The following ROBO1 variants were observed in gnomAD, a reference collection of about 807,000 sequenced individuals.
The protein encoded by ROBO1 is roundabout homolog 1.
ROBO1 carries 149 observed loss-of-function variants against 195.9 expected under a neutral mutation model. That is an observed-to-expected ratio of 0.76 (90% CI 0.67 to 0.87). The LOEUF (loss-of-function observed/expected upper bound fraction) is 0.87. ROBO1 is among the 40% of genes least tolerant of loss of function. ROBO1 has a pLI of 0.00. For synonymous variants in ROBO1, 816 were observed against 733.2 expected, an observed-to-expected ratio of 1.11 and a Z score of -1.82; for missense variants, 1,933 against 2,068.3, an observed-to-expected ratio of 0.93 and a Z score of 1.27.
Position 78,678,677 on chromosome 3 carries a change from T to C in ROBO1, c.1342+7069A>G, listed in dbSNP as rs540512766. On this transcript the variant is annotated intron_variant, in intron 10 of 30. Coordinates refer to ENST00000464233, the MANE Select transcript of ROBO1 (RefSeq NM_002941.4). ...ATAACAGGATCTGAAATTGTGGCAATAATCAATAGCTTACCAACCAAAAAG... is the reference window on the plus strand; with the variant it reads ...ATAACAGGATCTGAAATTGTGGCAACAATCAATAGCTTACCAACCAAAAAG... Among the ~76,000 whole-genome samples the C allele has an allele frequency of 4.8e-4, 73 of 152,292 alleles. No homozygotes were observed. In the South Asian group the frequency reaches 7.1e-3, roughly 15 times the overall value.
At chr3:78,649,610 T>C (rs1468031044) in intron 19 of ROBO1, among the ~76,000 whole-genome samples, 2 of 152,220 alleles carry the variant, frequency 1.3e-5, no homozygotes, top group East Asian at 1.9e-4. Flanking sequence ...TTAAAATTAC[T>C]GGCATTGACT....
chr3:79,522,884 A>T (rs1402723859), intron 2 of ROBO1, among the ~76,000 whole-genome samples: 1 of 152,128 alleles, frequency 6.6e-6, no homozygotes, highest in Non-Finnish European at 1.5e-5. Context: ...GGGAGGTCAT[A>T]CCTATAAAAG....
chr3:79,097,112 C>T (rs929532574), intron 3 of ROBO1, among the ~76,000 whole-genome samples: 8 of 151,828 alleles, frequency 5.3e-5, no homozygotes, highest in South Asian at 2.1e-4. Flanking sequence ...ATAGACACAG[C>T]GAATACTAAA....
At chr3:78,754,165 G>A (rs1004504165) in intron 4 of ROBO1, among the ~76,000 whole-genome samples, 5 of 152,138 alleles carry the variant, frequency 3.3e-5, no homozygotes, top group Non-Finnish European at 7.3e-5. Flanking sequence ...TGTTTATACA[G>A]GACTTGCCAT....
chr3:79,466,544 CA>C (rs1208726640), intron 2 of ROBO1, among the ~76,000 whole-genome samples: 2 of 152,040 alleles, frequency 1.3e-5, no homozygotes, highest in African/African-American at 4.8e-5. Flanking sequence ...AGAGTTCTAT[CA>C]GGCAATATAT....
chr3:79,564,451 A>G lies in ROBO1; in HGVS notation c.88+25373T>C, dbSNP rs553235317. On this transcript the variant is annotated intron_variant, in intron 2 of 30. Transcript: ENST00000464233. The stretch of plus-strand genomic sequence containing the variant: ...TAAATAAACTTGAGAGGTCATTTCC[A>G]CCATAAATTTCTGTTTGTCAGAAAT... 1.4e-4 allele frequency among the ~76,000 whole-genome samples: 21 copies of G among 152,184 alleles called. 1 individual carries two copies. Among genetic ancestry groups the G allele is most frequent in the Admixed American group, 7.9e-4 (12 of 15,226 alleles).
intron 2 of ROBO1, among the ~76,000 whole-genome samples, chr3:79,384,069 G>T (rs553794824): frequency 6.6e-6 from 1 of 151,738 alleles, no homozygotes; most frequent in East Asian, 1.9e-4. Flanking sequence ...AAAATATCTT[G>T]TCCATTTAAA....
At chr3:79,338,756 G>T (rs1395179388) in intron 2 of ROBO1, among the ~76,000 whole-genome samples, 1 of 151,724 alleles carries the variant, frequency 6.6e-6, no homozygotes, top group Non-Finnish European at 1.5e-5. Flanking sequence ...CTCTAGCTTG[G>T]CTATTTCTTC....
chr3:79,753,586 C>A (rs1704236183), intron 1 of ROBO1, among the ~76,000 whole-genome samples: 1 of 152,208 alleles, frequency 6.6e-6, no homozygotes, highest in African/African-American at 2.4e-5. Context: ...CTAGAAATAT[C>A]TTTGCCAATT....
chr3:79,399,047 A>C (rs2037261390), intron 2 of ROBO1, among the ~76,000 whole-genome samples: 1 of 152,116 alleles, frequency 6.6e-6, no homozygotes. Context: ...GAAATAGAAT[A>C]GGTCATAGGG....
chr3:79,177,737 C>T (rs2081281125), intron 2 of ROBO1, among the ~76,000 whole-genome samples: 1 of 152,186 alleles, frequency 6.6e-6, no homozygotes, highest in African/African-American at 2.4e-5. Context: ...CACCTTTGCC[C>T]TTCTTGGTTT....
intron 3 of ROBO1, among the ~76,000 whole-genome samples, chr3:79,106,706 T>C (rs2079787904): frequency 6.6e-6 from 1 of 151,236 alleles, no homozygotes; most frequent in Non-Finnish European, 1.5e-5. Flanking sequence ...TTGCAAGCAA[T>C]ACAGACACTA....
chr3:79,419,683 T>G (rs1361319879), intron 2 of ROBO1, among the ~76,000 whole-genome samples: 1 of 152,056 alleles, frequency 6.6e-6, no homozygotes, highest in Admixed American at 6.6e-5. Context: ...AAAAGTAATT[T>G]GAAAAGGAGA....
At chr3:79,704,772 G>A (rs574471406) in intron 1 of ROBO1, among the ~76,000 whole-genome samples, 2 of 152,040 alleles carry the variant, frequency 1.3e-5, no homozygotes, top group African/African-American at 4.8e-5. Flanking sequence ...AAATGTCTTC[G>A]CAAGTGGCTA....
intron 29 of ROBO1, among the ~76,000 whole-genome samples, chr3:78,601,287 C>T (rs901538370): frequency 6.6e-6 from 1 of 152,142 alleles, no homozygotes; most frequent in Non-Finnish European, 1.5e-5. Context: ...TCACCATCAC[C>T]AGTTCTAAAT....
intron 4 of ROBO1, among the ~76,000 whole-genome samples, chr3:78,773,298 T>G (rs1444066689): frequency 6.6e-6 from 1 of 152,100 alleles, no homozygotes; most frequent in Admixed American, 6.5e-5. Flanking sequence ...AGTTTAATTT[T>G]AAAATCAGTA....
intron 10 of ROBO1, among the ~76,000 whole-genome samples, chr3:78,676,252 T>C (rs909380526): frequency 2.6e-5 from 4 of 152,000 alleles, no homozygotes; most frequent in African/African-American, 9.7e-5. Context: ...AACTGGAAAC[T>C]CTAAAAAGCA....
chr3:79,218,942 T>C (rs1331902040), intron 2 of ROBO1, among the ~76,000 whole-genome samples: 1 of 151,974 alleles, frequency 6.6e-6, no homozygotes, highest in Non-Finnish European at 1.5e-5. Context: ...AGATAGTTTG[T>C]TTCCCAGGTG....
chr3:78,911,790 T>C (rs1216563803), intron 4 of ROBO1, among the ~76,000 whole-genome samples: 1 of 152,080 alleles, frequency 6.6e-6, no homozygotes, highest in Non-Finnish European at 1.5e-5. Context: ...GTTTTCAATA[T>C]ACACAGAATC....
Sources: allele counts gnomAD v4.1 joint callset (sites outside exome capture counted in the v4.1 genomes callset), GRCh38; gene constraint gnomAD v4.1.1; transcripts MANE v1.5; gene names NCBI Gene and HGNC (gene_info 2026-07-23, HGNC 2026-07-21).